The following ASAP1 variants were observed in gnomAD, a reference collection of about 807,000 sequenced individuals.
The protein encoded by ASAP1 is arf-GAP with SH3 domain, ANK repeat and PH domain-containing protein 1.
In ASAP1, 43 loss-of-function variants were observed where a neutral mutation model predicts 145.2. The ratio of observed to expected loss-of-function variants is 0.30; its 90% CI spans 0.23 to 0.38. The LOEUF (loss-of-function observed/expected upper bound fraction) is 0.38. ASAP1 is among the 10% of genes least tolerant of loss of function. The probability of loss-of-function intolerance (pLI) is 1.00; values close to 1 mark genes in which losing one functional copy is unlikely to be tolerated. For synonymous variants in ASAP1, 546 were observed against 515.5 expected, an observed-to-expected ratio of 1.06 and a Z score of -0.80; for missense variants, 1,018 against 1,355.3, an observed-to-expected ratio of 0.75 and a Z score of 3.91.
At chr8:130,208,155 A>T (rs924771671) in intron 5 of ASAP1, among the ~76,000 whole-genome samples, 1 of 152,224 alleles carries the variant, frequency 6.6e-6, no homozygotes, top group Non-Finnish European at 1.5e-5. Flanking sequence ...TGTACCCATC[A>T]ACCAGCTTCC....
chr8:130,232,029 G>T (rs1481945502), intron 4 of ASAP1, among the ~76,000 whole-genome samples: 1 of 152,232 alleles, frequency 6.6e-6, no homozygotes, highest in Non-Finnish European at 1.5e-5. Context: ...TGGCTAGTAA[G>T]TGAGTGGTAG....
At position 130,317,556 on chromosome 8, in the gene ASAP1, GC is replaced by G. The variant is rs1319097464; in HGVS notation, c.186+40460del. Reference sequence around the variant, plus strand: ...ACGTCCTCCAGGAAGGTTTTTTATAGCCTCCTCTCCCAAATGGAAAAGCCAA... The same window carrying G: ...ACGTCCTCCAGGAAGGTTTTTTATAGCTCCTCTCCCAAATGGAAAAGCCAA... On this transcript the variant is annotated intron_variant, in intron 3 of 29. Transcript: ENST00000518721. Among the ~76,000 whole-genome samples, 5 of 152,186 alleles carry G rather than the reference GC, an allele frequency of 3.3e-5. 1 individual carries two copies. Among genetic ancestry groups the G allele is most frequent in the African/African-American group, 1.2e-4 (5 of 41,448 alleles).
chr8:130,256,750 T>TATCC lies in ASAP1; in HGVS notation c.187-19757_187-19756insGGAT, dbSNP rs1340681587. Among the ~76,000 whole-genome samples, 4 of 38,332 alleles carry TATCC rather than the reference T, an allele frequency of 1.0e-4. No individual in the cohort carries two copies. In the East Asian group the frequency reaches 3.0e-3, roughly 29 times the overall value. 25.1% of individuals were successfully genotyped at this position (38,332 alleles called of 152,430 possible). On this transcript the variant is annotated intron_variant, in intron 3 of 29. Coordinates refer to ENST00000518721, the MANE Select transcript of ASAP1 (RefSeq NM_018482.4). ...GAATATACACATTCTTATATATATA[T>TATCC]ATATATATATATATATATATATATA...
intron 8 of ASAP1, among the ~76,000 whole-genome samples, chr8:130,179,577 G>A (rs1192589623): frequency 6.6e-6 from 1 of 152,102 alleles, no homozygotes; most frequent in African/African-American, 2.4e-5. Flanking sequence ...TCGACAAGCA[G>A]AAATAAAACA....
intron 5 of ASAP1, among the ~76,000 whole-genome samples, chr8:130,189,761 A>G (rs932977152): frequency 8.5e-5 from 13 of 152,188 alleles, no homozygotes; most frequent in African/African-American, 2.7e-4. Context: ...GTACTAATTT[A>G]TATTACCACC....
chr8:130,155,167 T>A (rs186373553), intron 12 of ASAP1, among the ~76,000 whole-genome samples: 1 of 152,290 alleles, frequency 6.6e-6, no homozygotes, highest in African/African-American at 2.4e-5. Context: ...TTAGTTTTAC[T>A]TACACATGTA....
chr8:130,152,910 A>C, intron 12 of ASAP1, 105 bp from the exon 13 acceptor site: 1 of 883,850 alleles, frequency 1.1e-6, no homozygotes, highest in Non-Finnish European at 1.6e-6. Flanking sequence ...ACTTCCCCAA[A>C]CCAAAAAATC....
chr8:130,109,841 T>A (rs2097543792), intron 24 of ASAP1, among the ~76,000 whole-genome samples: 1 of 152,218 alleles, frequency 6.6e-6, no homozygotes, highest in African/African-American at 2.4e-5. Context: ...ATGAGAAGGC[T>A]GTACTCCCTA....
intron 3 of ASAP1, among the ~76,000 whole-genome samples, chr8:130,262,442 GA>G (rs1412373707): frequency 0.024 from 3,060 of 129,510 alleles, 160 homozygotes; most frequent in South Asian, 0.079. Flanking sequence ...GAGAGAGAGA[GA>G]GAGAGAGAGA....
intron 4 of ASAP1, among the ~76,000 whole-genome samples, chr8:130,231,101 C>T (rs896742482): frequency 6.6e-6 from 1 of 152,132 alleles, no homozygotes. Context: ...CCTAGATTTC[C>T]TTGTGCACTA....
chr8:130,426,485 T>C (rs1294102376), intron 1 of ASAP1, among the ~76,000 whole-genome samples: 3 of 151,612 alleles, frequency 2.0e-5, no homozygotes, highest in African/African-American at 7.3e-5. Context: ...GCTTTTGTCA[T>C]TCAGAGCAAA....
chr8:130,091,442 A>G (rs967411698), intron 25 of ASAP1, among the ~76,000 whole-genome samples: 3 of 152,172 alleles, frequency 2.0e-5, no homozygotes, highest in African/African-American at 7.2e-5. Flanking sequence ...TGTATCCAAG[A>G]AGTGAAAGAA....
chr8:130,239,466 G>C (rs974966814), intron 3 of ASAP1, among the ~76,000 whole-genome samples: 3 of 152,110 alleles, frequency 2.0e-5, no homozygotes, highest in African/African-American at 7.2e-5. Flanking sequence ...TTTGAACCCA[G>C]GTCTTTGACA....
At chr8:130,144,793 T>C (rs896619448) in intron 13 of ASAP1, among the ~76,000 whole-genome samples, 1 of 152,200 alleles carries the variant, frequency 6.6e-6, no homozygotes, top group Non-Finnish European at 1.5e-5. Context: ...CCCAACCATT[T>C]TACTAATTTT....
At chr8:130,188,008 CAA>C (rs1179377859) in intron 6 of ASAP1, 99 bp downstream of exon 6, 13 of 854,756 alleles carry the variant, frequency 1.5e-5, no homozygotes, top group South Asian at 4.6e-5. Flanking sequence ...TGAAAATGTT[CAA>C]AGAGTCTTTC....
chr8:130,297,750 TG>T (rs780582037), intron 3 of ASAP1, among the ~76,000 whole-genome samples: 5 of 152,214 alleles, frequency 3.3e-5, no homozygotes, highest in Admixed American at 1.3e-4. Context: ...GAGGTAGAGC[TG>T]GAAGACAATG....
At chr8:130,100,252 T>C (rs1299496947) in intron 24 of ASAP1, among the ~76,000 whole-genome samples, 3 of 152,240 alleles carry the variant, frequency 2.0e-5, no homozygotes, top group African/African-American at 7.2e-5. Context: ...GATTTACATT[T>C]CTCTCATGAT....
chr8:130,307,576 A>C (rs7817803), intron 3 of ASAP1, among the ~76,000 whole-genome samples: 84,833 of 151,906 alleles, frequency 0.56, 23,818 homozygotes, highest in South Asian at 0.7. Flanking sequence ...CCCAACACCC[A>C]ACAGGTAACC....
chr8:130,386,765 G>A (rs1236937858), intron 2 of ASAP1: 1 of 152,216 alleles, frequency 6.6e-6, no homozygotes, highest in Non-Finnish European at 1.5e-5. Context: ...GCTCACTGCA[G>A]CCAGTCGTGC....
Sources: gnomAD v4.1 joint callset for allele counts (sites outside exome capture counted in the v4.1 genomes callset) on GRCh38, gnomAD v4.1.1 for gene constraint, MANE v1.5 for transcripts, NCBI Gene and HGNC (gene_info 2026-07-23, HGNC 2026-07-21) for gene names.